Variants in SRGAP3 observed in about 807,000 individuals in gnomAD.
SRGAP3 encodes SLIT-ROBO Rho GTPase-activating protein 3.
In SRGAP3, 39 loss-of-function variants were observed where a neutral mutation model predicts 121.1. The observed-to-expected ratio is 0.32, with a 90% CI of 0.25 to 0.42. SRGAP3 has a LOEUF of 0.42. Ranked by LOEUF, SRGAP3 falls within the 10% of genes least tolerant of loss-of-function variation. The probability of loss-of-function intolerance (pLI) is 1.00; values close to 1 mark genes in which losing one functional copy is unlikely to be tolerated. For synonymous variants in SRGAP3, 601 were observed against 570.0 expected, an observed-to-expected ratio of 1.05 and a Z score of -0.77; for missense variants, 1,213 against 1,470.6, an observed-to-expected ratio of 0.82 and a Z score of 2.86.
intron 1 of SRGAP3, among the ~76,000 whole-genome samples, chr3:9,167,232 C>G (rs1950819666): frequency 6.6e-6 from 1 of 152,154 alleles, no homozygotes. Context: ...CCTACCTGCC[C>G]TCACTATAGC....
At chr3:8,986,375 C>G (rs1941709235) in intron 21 of SRGAP3, among the ~76,000 whole-genome samples, 1 of 152,196 alleles carries the variant, frequency 6.6e-6, no homozygotes, top group Non-Finnish European at 1.5e-5. Flanking sequence ...ACCCCTGGCA[C>G]AGAGTAAGCA....
At chr3:9,339,943 T>A (rs1955754363) in intron 1 of SRGAP3, among the ~76,000 whole-genome samples, 1 of 152,064 alleles carries the variant, frequency 6.6e-6, no homozygotes, top group Admixed American at 6.5e-5. Context: ...AGTGACAGGA[T>A]CATTATCACC....
At chr3:9,162,392 CT>C (rs1022781423) in intron 1 of SRGAP3, among the ~76,000 whole-genome samples, 1 of 152,148 alleles carries the variant, frequency 6.6e-6, no homozygotes, top group Non-Finnish European at 1.5e-5. Context: ...AAGATGCCCC[CT>C]TTACACACCT....
intron 3 of SRGAP3, 27 bp downstream of exon 3, chr3:9,104,653 G>A (rs1217678549): frequency 1.2e-6 from 2 of 1,613,464 alleles, no homozygotes; most frequent in African/African-American, 2.7e-5. Context: ...AAAGACCTGG[G>A]ACACGTAGAG....
chr3:9,060,714 T>C (rs150701989), intron 5 of SRGAP3, among the ~76,000 whole-genome samples: 1,632 of 151,782 alleles, frequency 0.011, 6 homozygotes, highest in Non-Finnish European at 0.018. Flanking sequence ...GTTGGGATTA[T>C]AGGCGTGAGC....
At chr3:9,328,922 G>A (rs1052476248) in intron 2 of SRGAP3, among the ~76,000 whole-genome samples, 17 of 152,112 alleles carry the variant, frequency 1.1e-4, no homozygotes, top group African/African-American at 1.4e-4. Flanking sequence ...TCTGGAAGGC[G>A]GAGACCAAGA....
At chr3:9,347,539 T>C (rs2648545) in intron 1 of SRGAP3, among the ~76,000 whole-genome samples, 51,538 of 152,066 alleles carry the variant, frequency 0.34, 10,614 homozygotes, top group South Asian at 0.5. Context: ...ACATTAACAC[T>C]GCTCTGTGCT....
chr3:9,358,755 G>A (rs893353439), intron 1 of SRGAP3, among the ~76,000 whole-genome samples: 3 of 152,142 alleles, frequency 2.0e-5, no homozygotes, highest in South Asian at 2.1e-4. Flanking sequence ...TTGCTGGAGC[G>A]GCTCACAGAA....
At chr3:9,162,333 A>G (rs893172993) in intron 1 of SRGAP3, among the ~76,000 whole-genome samples, 4 of 152,246 alleles carry the variant, frequency 2.6e-5, no homozygotes, top group Admixed American at 1.3e-4. Flanking sequence ...GCAAATAAAA[A>G]TAACCTCAGT....
chr3:9,238,218 G>C (rs1315237333), intron 1 of SRGAP3, among the ~76,000 whole-genome samples: 4 of 152,194 alleles, frequency 2.6e-5, no homozygotes, highest in African/African-American at 4.8e-5. Context: ...GGCAGGCTAG[G>C]CCAGGATGGA....
intron 3 of SRGAP3, among the ~76,000 whole-genome samples, chr3:9,325,082 A>G (rs1414663175): frequency 6.6e-6 from 1 of 151,964 alleles, no homozygotes; most frequent in East Asian, 1.9e-4. Flanking sequence ...CATGTCATTC[A>G]TAGGGTACAA....
intron 1 of SRGAP3, among the ~76,000 whole-genome samples, chr3:9,216,389 A>T (rs12492729): frequency 0.23 from 35,733 of 152,118 alleles, 5,358 homozygotes; most frequent in Admixed American, 0.39. Flanking sequence ...AATATAAGGG[A>T]CAGTCCCCAC....
chr3:9,202,998 A>G (rs1952121023), intron 1 of SRGAP3, among the ~76,000 whole-genome samples: 1 of 152,128 alleles, frequency 6.6e-6, no homozygotes, highest in Admixed American at 6.5e-5. Context: ...AGCTTCAGCA[A>G]CCCTTGTGGG....
chr3:9,282,556 T>G (rs540650023), intron 3 of SRGAP3, among the ~76,000 whole-genome samples: 1 of 152,152 alleles, frequency 6.6e-6, no homozygotes, highest in African/African-American at 2.4e-5. Context: ...AGTGGTGAGA[T>G]CTCAGCTCAC....
At chr3:9,215,793 C>T (rs1298750561) in intron 1 of SRGAP3, among the ~76,000 whole-genome samples, 11 of 152,226 alleles carry the variant, frequency 7.2e-5, no homozygotes. Flanking sequence ...AGGACTTGAA[C>T]CAGCGGCCTC....
intron 5 of SRGAP3, 74 bp downstream of exon 5, chr3:9,064,322 G>A (rs1946318088): frequency 1.1e-5 from 17 of 1,600,890 alleles, no homozygotes; most frequent in Admixed American, 1.7e-5. Context: ...GAAGGCTAAG[G>A]CTGTCCGCCA....
At chr3:9,118,415 A>C (rs1288250362) in intron 2 of SRGAP3, among the ~76,000 whole-genome samples, 1 of 152,134 alleles carries the variant, frequency 6.6e-6, no homozygotes, top group Non-Finnish European at 1.5e-5. Context: ...CCCAAGAGGC[A>C]GGTTTGGGGG....
At chr3:9,347,920 C>T (rs1401891156) in intron 1 of SRGAP3, among the ~76,000 whole-genome samples, 1 of 152,174 alleles carries the variant, frequency 6.6e-6, no homozygotes, top group Non-Finnish European at 1.5e-5. Flanking sequence ...AGAAAATTGG[C>T]TAAATCAGTA....
intron 3 of SRGAP3, among the ~76,000 whole-genome samples, chr3:9,273,790 ATT>A (rs36045665): frequency 1.4e-4 from 19 of 138,682 alleles, no homozygotes; most frequent in Non-Finnish European, 1.1e-4. Context: ...GTTCAACTTC[ATT>A]TTTTTTTTTT....
Sources: allele counts gnomAD v4.1 joint callset (sites outside exome capture counted in the v4.1 genomes callset), GRCh38; gene constraint gnomAD v4.1.1; transcripts MANE v1.5; gene names NCBI Gene and HGNC (gene_info 2026-07-23, HGNC 2026-07-21).